The following GRIK2 variants were observed in gnomAD, a reference collection of about 807,000 sequenced individuals.
The protein encoded by GRIK2 is glutamate receptor ionotropic, kainate 2.
In GRIK2, 32 loss-of-function variants were observed where a neutral mutation model predicts 100.3. That is an observed-to-expected ratio of 0.32 (90% CI 0.24 to 0.43). The LOEUF (loss-of-function observed/expected upper bound fraction) is 0.43. Among genes scored for constraint, GRIK2 ranks in the 20% least tolerant of loss-of-function variants. GRIK2 has a pLI of 1.00. For missense variants in GRIK2, 843 were observed against 1,114.9 expected (o/e 0.76, Z 3.47); for synonymous variants, 417 against 389.4 (o/e 1.07, Z -0.83).
At chr6:101,976,377 G>T (rs1296700435) in intron 14 of GRIK2, among the ~76,000 whole-genome samples, 3 of 151,814 alleles carry the variant, frequency 2.0e-5, no homozygotes, top group African/African-American at 7.3e-5. Flanking sequence ...AGGAATTTAG[G>T]TTACTGGAAA....
chr6:101,404,926 A>G (rs1440531176), intron 2 of GRIK2, among the ~76,000 whole-genome samples: 1 of 152,192 alleles, frequency 6.6e-6, no homozygotes, highest in East Asian at 1.9e-4. Flanking sequence ...ATCTGATAAC[A>G]TCATAGGGCT....
At chr6:101,482,551 G>A (rs1772589046) in intron 2 of GRIK2, among the ~76,000 whole-genome samples, 1 of 152,278 alleles carries the variant, frequency 6.6e-6, no homozygotes, top group African/African-American at 2.4e-5. Flanking sequence ...GAGATAGGAT[G>A]CAGCCCTGTG....
chr6:101,559,454 C>T (rs1436641056), intron 2 of GRIK2, among the ~76,000 whole-genome samples: 1 of 151,886 alleles, frequency 6.6e-6, no homozygotes, highest in Non-Finnish European at 1.5e-5. Context: ...TTAATTGCAA[C>T]CTCTCATTTA....
intron 16 of GRIK2, chr6:102,063,983 C>T (rs1178458513): frequency 1.9e-6 from 3 of 1,546,392 alleles, no homozygotes; most frequent in South Asian, 1.1e-5. Context: ...TTGGTTAGTG[C>T]CACCATACCA....
At chr6:101,414,722 A>G (rs1268100921) in intron 2 of GRIK2, among the ~76,000 whole-genome samples, 1 of 152,184 alleles carries the variant, frequency 6.6e-6, no homozygotes, top group Non-Finnish European at 1.5e-5. Flanking sequence ...GATGTTGCAC[A>G]CGTCATTTTA....
At chr6:101,442,639 C>T (rs1376800955) in intron 2 of GRIK2, among the ~76,000 whole-genome samples, 1 of 152,126 alleles carries the variant, frequency 6.6e-6, no homozygotes, top group Admixed American at 6.6e-5. Context: ...CACTTTGAAC[C>T]TAGACATGGA....
chr6:101,421,676 A>G (rs1047260542), intron 2 of GRIK2, among the ~76,000 whole-genome samples: 5 of 152,186 alleles, frequency 3.3e-5, no homozygotes, highest in African/African-American at 9.7e-5. Context: ...TTTCTCCAAA[A>G]TAACACCTAA....
At chr6:102,057,111 G>A (rs1179103927) in intron 16 of GRIK2, among the ~76,000 whole-genome samples, 1 of 151,908 alleles carries the variant, frequency 6.6e-6, no homozygotes, top group Non-Finnish European at 1.5e-5. Flanking sequence ...TATCATTTCA[G>A]GTTTAATTTG....
At chr6:101,622,681 A>C (rs1379574532) in intron 3 of GRIK2, among the ~76,000 whole-genome samples, 1 of 152,030 alleles carries the variant, frequency 6.6e-6, no homozygotes, top group Admixed American at 6.6e-5. Flanking sequence ...TTATGTAAAA[A>C]CTGAATTATA....
At position 101,544,976 on chromosome 6, in the gene GRIK2, C is replaced by T. The variant is rs146032725; in HGVS notation, c.116-76973C>T. ...TGCTCTTTTGTAAAATAATAAAGACCGCCCTAGGATGGATCGCCACATATA... is the reference window on the plus strand; with the variant it reads ...TGCTCTTTTGTAAAATAATAAAGACTGCCCTAGGATGGATCGCCACATATA... On this transcript the variant is annotated intron_variant, in intron 2 of 16. Coordinates refer to ENST00000369134, the MANE Select transcript of GRIK2 (RefSeq NM_021956.5). Among the ~76,000 whole-genome samples, 254 of 152,144 alleles carry T rather than the reference C, an allele frequency of 1.7e-3. 1 individual carries two copies. The highest frequency in any genetic ancestry group is 5.3e-3 in the African/African-American group (218 of 41,522).
At chr6:101,988,923 T>C (rs1794204663) in intron 14 of GRIK2, among the ~76,000 whole-genome samples, 1 of 151,732 alleles carries the variant, frequency 6.6e-6, no homozygotes, top group South Asian at 2.1e-4. Context: ...TGGCATATGA[T>C]AAAGTCTCAA....
intron 2 of GRIK2, among the ~76,000 whole-genome samples, chr6:101,480,590 C>A (rs1462031353): frequency 1.3e-5 from 2 of 152,084 alleles, no homozygotes; most frequent in African/African-American, 2.4e-5. Flanking sequence ...GGCAATCTCC[C>A]AGACAAAGAA....
At chr6:101,863,662 T>C (rs914266671) in intron 11 of GRIK2, among the ~76,000 whole-genome samples, 5 of 152,214 alleles carry the variant, frequency 3.3e-5, no homozygotes, top group Non-Finnish European at 5.9e-5. Context: ...TGTGAGGGAA[T>C]ACTGAGTACT....
intron 7 of GRIK2, among the ~76,000 whole-genome samples, chr6:101,761,924 G>A (rs1305588542): frequency 4.8e-5 from 3 of 62,372 alleles, no homozygotes; most frequent in Non-Finnish European, 7.8e-5. Context: ...TCTTTCCTTT[G>A]TTTGTTTCTT....
intron 14 of GRIK2, among the ~76,000 whole-genome samples, chr6:101,972,022 G>A (rs1170071306): frequency 6.6e-6 from 1 of 151,878 alleles, no homozygotes; most frequent in African/African-American, 2.4e-5. Flanking sequence ...TTGATTCTAT[G>A]TCTTTGCTAT....
chr6:101,465,198 G>T (rs942489627), intron 2 of GRIK2, among the ~76,000 whole-genome samples: 1 of 152,050 alleles, frequency 6.6e-6, no homozygotes, highest in Non-Finnish European at 1.5e-5. Context: ...TGAAGTCTGA[G>T]CTTTTAGTCT....
At chr6:101,988,144 CGCGCGCGCGCGT>C (rs1343607153) in intron 14 of GRIK2, among the ~76,000 whole-genome samples, 75 of 19,384 alleles carry the variant, frequency 3.9e-3, no homozygotes, top group East Asian at 6.9e-3. Context: ...CGCGCGCGCG[CGCGCGCGCGCGT>C]GCGCGCACAT....
chr6:101,519,600 CA>C (rs1774770597), intron 2 of GRIK2, among the ~76,000 whole-genome samples: 1 of 151,920 alleles, frequency 6.6e-6, no homozygotes, highest in Non-Finnish European at 1.5e-5. Flanking sequence ...TCCCAGAATA[CA>C]AAATATCTTA....
chr6:101,839,801 A>T (rs956058237), intron 10 of GRIK2, among the ~76,000 whole-genome samples: 7 of 152,192 alleles, frequency 4.6e-5, no homozygotes, highest in Admixed American at 1.3e-4. Flanking sequence ...AGAATTTAGG[A>T]AGACATCTTT....
Sources: allele counts gnomAD v4.1 joint callset (sites outside exome capture counted in the v4.1 genomes callset), GRCh38; gene constraint gnomAD v4.1.1; transcripts MANE v1.5; gene names NCBI Gene and HGNC (gene_info 2026-07-23, HGNC 2026-07-21).